The following SLC25A48 variants were observed in gnomAD, a reference collection of about 807,000 sequenced individuals.
SLC25A48 encodes the protein solute carrier family 25 member 48.
SLC25A48 carries 29 observed loss-of-function variants against 32.2 expected under a neutral mutation model. The ratio of observed to expected loss-of-function variants is 0.90; its 90% confidence interval spans 0.67 to 1.23. The LOEUF is 1.23. Ranked by LOEUF, SLC25A48 falls within the 50% of genes most tolerant of loss-of-function variation. The probability of loss-of-function intolerance (pLI) is 0.00; values close to 1 mark genes in which losing one functional copy is unlikely to be tolerated. For synonymous variants in SLC25A48, 164 were observed against 172.3 expected, an observed-to-expected ratio of 0.95 and a Z score of 0.38; for missense variants, 399 against 422.7, an observed-to-expected ratio of 0.94 and a Z score of 0.49.
At chr5:135,756,266 A>T (rs1755900533) in intron 3 of SLC25A48, among the ~76,000 whole-genome samples, 1 of 151,094 alleles carries the variant, frequency 6.6e-6, no homozygotes, top group African/African-American at 2.4e-5. Context: ...TAGTGTTAAC[A>T]CTATGATATT....
intron 1 of SLC25A48, among the ~76,000 whole-genome samples, chr5:135,595,304 A>G (rs1047406817): frequency 6.6e-6 from 1 of 152,168 alleles, no homozygotes; most frequent in African/African-American, 2.4e-5. Context: ...TTCCCACTGT[A>G]TGTCCCTGGA....
chr5:135,686,318 G>A (rs955918279), intron 3 of SLC25A48, among the ~76,000 whole-genome samples: 3 of 152,176 alleles, frequency 2.0e-5, no homozygotes, highest in South Asian at 2.1e-4. Context: ...ACTGCTAGGC[G>A]TGGCTCACAA....
At chr5:135,733,205 G>A (rs1285858841) in intron 3 of SLC25A48, among the ~76,000 whole-genome samples, 5 of 152,208 alleles carry the variant, frequency 3.3e-5, no homozygotes, top group Non-Finnish European at 7.3e-5. Flanking sequence ...AATGATAGGT[G>A]TGGAAGATAC....
intron 3 of SLC25A48, among the ~76,000 whole-genome samples, chr5:135,765,075 A>C (rs34246154): frequency 6.6e-6 from 1 of 151,494 alleles, no homozygotes. Flanking sequence ...CAGGGGGAGA[A>C]AGGGTGATAT....
At chr5:135,690,922 A>G (rs1473096214) in intron 3 of SLC25A48, among the ~76,000 whole-genome samples, 1 of 149,330 alleles carries the variant, frequency 6.7e-6, no homozygotes, top group Non-Finnish European at 1.5e-5. Context: ...AATTTCTCCC[A>G]AAGTGTGTCT....
intron 3 of SLC25A48, among the ~76,000 whole-genome samples, chr5:135,713,950 T>C (rs1451649987): frequency 1.3e-5 from 2 of 152,202 alleles, no homozygotes; most frequent in African/African-American, 4.8e-5. Context: ...AAACACTTGC[T>C]TCTCATCCCC....
intron 2 of SLC25A48, among the ~76,000 whole-genome samples, chr5:135,844,421 T>C (rs956569106): frequency 3.3e-5 from 5 of 152,162 alleles, no homozygotes; most frequent in Non-Finnish European, 7.3e-5. Flanking sequence ...CAGTCTGTCT[T>C]CTCCAGGGTT....
At chr5:135,885,006 C>G (rs1762664833) in intron 7 of SLC25A48, among the ~76,000 whole-genome samples, 1 of 152,194 alleles carries the variant, frequency 6.6e-6, no homozygotes, top group Admixed American at 6.5e-5. Flanking sequence ...AGCCCCAGCT[C>G]AGGACTTTAC....
chr5:135,886,692 G>GAC (rs1561568012), intron 7 of SLC25A48, among the ~76,000 whole-genome samples: 5 of 134,304 alleles, frequency 3.7e-5, no homozygotes, highest in South Asian at 2.6e-4. Flanking sequence ...GAGAGAGAGA[G>GAC]AGAGAGAGAG....
Position 135,813,640 on chromosome 5 carries a change from G to A in SLC25A48, c.-117+714G>A, listed in dbSNP as rs149708789. On this transcript the variant is annotated intron_variant, in intron 4 of 10. Coordinates refer to the SLC25A48 transcript ENST00000646290. ...ACATTACTCTGAAAGTTTGTCCTTC[G>A]GACACGACAAACTTCTTATCTGAAT... is the stretch of plus-strand genomic sequence containing the variant. 3.2e-3 allele frequency among the ~76,000 whole-genome samples: 484 copies of A among 152,320 alleles called. 3 individuals carry two copies. Among genetic ancestry groups the A allele is most frequent in the Middle Eastern group, 0.024 (7 of 294 alleles).
chr5:135,791,892 T>C (rs994316795), intron 3 of SLC25A48, among the ~76,000 whole-genome samples: 5 of 151,794 alleles, frequency 3.3e-5, no homozygotes, highest in African/African-American at 7.3e-5. Flanking sequence ...ACAGGGTATG[T>C]ACATTCTGTG....
intron 4 of SLC25A48, among the ~76,000 whole-genome samples, chr5:135,865,920 G>A (rs114547249): frequency 0.011 from 1,703 of 152,304 alleles, 23 homozygotes; most frequent in African/African-American, 0.036. Flanking sequence ...ATCTTATTGT[G>A]TTACCTGTGA....
intron 4 of SLC25A48, chr5:135,824,955 G>C (rs1279804262): frequency 6.6e-6 from 1 of 152,300 alleles, no homozygotes; most frequent in African/African-American, 2.4e-5. Flanking sequence ...TTGGAGCAAG[G>C]TGTCACTGGT....
intron 2 of SLC25A48, among the ~76,000 whole-genome samples, chr5:135,848,470 C>A (rs1470004641): frequency 6.6e-6 from 1 of 152,114 alleles, no homozygotes; most frequent in African/African-American, 2.4e-5. Flanking sequence ...CCTTGAAGGC[C>A]CAGTTCTCAT....
intron 3 of SLC25A48, among the ~76,000 whole-genome samples, chr5:135,655,359 G>A (rs553365610): frequency 1.3e-5 from 2 of 152,324 alleles, no homozygotes; most frequent in South Asian, 4.1e-4. Context: ...CTGTCTCAAG[G>A]ATGAGAAAAT....
intron 1 of SLC25A48, among the ~76,000 whole-genome samples, chr5:135,838,895 G>A (rs1013566734): frequency 1.3e-5 from 2 of 152,230 alleles, no homozygotes; most frequent in African/African-American, 4.8e-5. Context: ...AGTGTGGATG[G>A]GAAATGTAGG....
intron 7 of SLC25A48, 84 bp from the exon 8 acceptor site, chr5:135,887,948 G>C: frequency 7.8e-7 from 1 of 1,288,406 alleles, no homozygotes; most frequent in Non-Finnish European, 1.1e-6. Context: ...AGGGGTTAGA[G>C]GAAGGGGTGG....
intron 3 of SLC25A48, among the ~76,000 whole-genome samples, chr5:135,794,944 G>C (rs926165464): frequency 2.5e-5 from 2 of 81,334 alleles, no homozygotes; most frequent in African/African-American, 5.9e-5. Context: ...AAATTCACAT[G>C]GGGCGTACAC....
chr5:135,660,016 T>A (rs1753357019), intron 3 of SLC25A48, among the ~76,000 whole-genome samples: 1 of 152,186 alleles, frequency 6.6e-6, no homozygotes, highest in Non-Finnish European at 1.5e-5. Flanking sequence ...ACAAATGGTT[T>A]TGGTATATAG....
Sources: gnomAD v4.1 joint callset for allele counts (sites outside exome capture counted in the v4.1 genomes callset) on GRCh38, gnomAD v4.1.1 for gene constraint, MANE v1.5 for transcripts, NCBI Gene and HGNC (gene_info 2026-07-23, HGNC 2026-07-21) for gene names.